KPNA3: variants seen among roughly 807,000 people sequenced by gnomAD.
The protein encoded by KPNA3 is karyopherin subunit alpha 3, also known as importin subunit alpha-4.
In KPNA3, 13 loss-of-function variants were observed where a neutral mutation model predicts 73.8. The observed-to-expected ratio is 0.18, with a 90% CI of 0.11 to 0.28. KPNA3 has a LOEUF of 0.28. Ranked by LOEUF, KPNA3 falls within the 10% of genes least tolerant of loss-of-function variation. KPNA3 has a pLI of 1.00. For synonymous variants in KPNA3, 186 were observed against 206.9 expected, an observed-to-expected ratio of 0.90 and a Z score of 0.87; for missense variants, 360 against 618.1, an observed-to-expected ratio of 0.58 and a Z score of 4.43.
At chr13:49,747,375 A>C (rs1374380210) in intron 1 of KPNA3, among the ~76,000 whole-genome samples, 1 of 150,660 alleles carries the variant, frequency 6.6e-6, no homozygotes, top group East Asian at 2.0e-4. Context: ...AAAAAAAAAA[A>C]CTCAGGTATT....
At chr13:49,726,272 T>A (rs945708114) in intron 6 of KPNA3, among the ~76,000 whole-genome samples, 1 of 152,226 alleles carries the variant, frequency 6.6e-6, no homozygotes. Context: ...ATTACAAGGC[T>A]GTATAATTTT....
chr13:49,729,550 C>T (rs144700811), intron 6 of KPNA3, among the ~76,000 whole-genome samples: 16,833 of 152,086 alleles, frequency 0.11, 1,156 homozygotes, highest in South Asian at 0.26. Flanking sequence ...TTTGAGAGGC[C>T]GAGGTGGGTG....
chr13:49,706,716 GA>G (rs1158777335), intron 12 of KPNA3, among the ~76,000 whole-genome samples: 4 of 151,762 alleles, frequency 2.6e-5, no homozygotes, highest in Non-Finnish European at 5.9e-5. Context: ...TCCTCTAAAA[GA>G]CAGAAATAAA....
chr13:49,721,256 A>T (rs1954354367), intron 9 of KPNA3, among the ~76,000 whole-genome samples: 1 of 152,152 alleles, frequency 6.6e-6, no homozygotes, highest in Admixed American at 6.5e-5. Context: ...TTGGACTTAA[A>T]GCAAACTCAT....
chr13:49,709,382 C>G (rs1371400394), intron 12 of KPNA3, among the ~76,000 whole-genome samples, 190 bp downstream of exon 12: 1 of 132,314 alleles, frequency 7.6e-6, no homozygotes, highest in African/African-American at 2.8e-5. Flanking sequence ...GCCTAGGCAA[C>G]AGACAGACTC....
intron 1 of KPNA3, among the ~76,000 whole-genome samples, chr13:49,757,951 T>C (rs1273371089): frequency 2.0e-5 from 3 of 152,180 alleles, no homozygotes; most frequent in East Asian, 3.8e-4. Context: ...CTCTGTGTTA[T>C]ATTTTACAAC....
At chr13:49,737,604 TG>T (rs1338478957) in intron 2 of KPNA3, among the ~76,000 whole-genome samples, 1 of 82,960 alleles carries the variant, frequency 1.2e-5, no homozygotes, top group African/African-American at 3.7e-5. Flanking sequence ...TGTGTGTGTG[TG>T]TGTGTGTAAG....
chr13:49,787,628 T>G (rs1954994398), intron 1 of KPNA3, among the ~76,000 whole-genome samples: 1 of 151,622 alleles, frequency 6.6e-6, no homozygotes, highest in Non-Finnish European at 1.5e-5. Context: ...CGCCTCAGCC[T>G]CCCTTGTAGC....
chr13:49,759,687 T>C (rs886880426), intron 1 of KPNA3, among the ~76,000 whole-genome samples: 2 of 152,056 alleles, frequency 1.3e-5, no homozygotes, highest in East Asian at 1.9e-4. Context: ...GAGAATCAAA[T>C]GCAGCTGCTG....
At chr13:49,734,590 T>G (rs1364303004) in intron 2 of KPNA3, among the ~76,000 whole-genome samples, 3 of 152,242 alleles carry the variant, frequency 2.0e-5, no homozygotes, top group Non-Finnish European at 1.5e-5. Context: ...TACCTCGAGA[T>G]CTAATAGTTC....
intron 1 of KPNA3, among the ~76,000 whole-genome samples, chr13:49,770,349 A>G (rs761080302): frequency 5.9e-5 from 9 of 151,344 alleles, no homozygotes; most frequent in Non-Finnish European, 1.3e-4. Context: ...CAAATTTTTA[A>G]ATTCTTTATA....
At chr13:49,723,337 C>T (rs112442328) in intron 7 of KPNA3, among the ~76,000 whole-genome samples, 15,186 of 151,922 alleles carry the variant, frequency 0.1, 857 homozygotes, top group African/African-American at 0.15. Context: ...TCTGGGAGGC[C>T]GAGGCAGATG....
chr13:49,764,949 T>A (rs1437344516), intron 1 of KPNA3, among the ~76,000 whole-genome samples: 1 of 152,206 alleles, frequency 6.6e-6, no homozygotes, highest in African/African-American at 2.4e-5. Context: ...CAATCCTTAA[T>A]TACATGGTAC....
chr13:49,782,011 G>T (rs1173912640), intron 1 of KPNA3, among the ~76,000 whole-genome samples: 2 of 152,202 alleles, frequency 1.3e-5, no homozygotes, highest in African/African-American at 4.8e-5. Flanking sequence ...CAGTACTTCT[G>T]TCAAGATGAA....
intron 1 of KPNA3, among the ~76,000 whole-genome samples, chr13:49,761,206 C>T (rs1954756394): frequency 2.0e-5 from 3 of 151,898 alleles, no homozygotes; most frequent in African/African-American, 7.3e-5. Context: ...GGGTCCCTCT[C>T]CCTCTCCCTC....
chr13:49,758,183 TAAAAC>T (rs1954727976), intron 1 of KPNA3, among the ~76,000 whole-genome samples: 1 of 151,862 alleles, frequency 6.6e-6, no homozygotes, highest in African/African-American at 2.4e-5. Flanking sequence ...AAACAAAAAA[TAAAAC>T]AGATCACATA....
In KPNA3 at chr13:49,712,884, G is replaced by GA. The variant is rs879363717; in HGVS notation, c.772-1863dup. Among the ~76,000 whole-genome samples the GA allele has an allele frequency of 1.1e-3, 137 of 119,376 alleles. 1 individual carries two copies. The highest frequency in any genetic ancestry group is 2.2e-3 in the African/African-American group (73 of 32,724). The allele number at this position is 119,376 out of a possible 152,430, so 78.3% of individuals were successfully genotyped here. On this transcript the variant is annotated intron_variant, in intron 10 of 16. Transcript: ENST00000261667. ...GAAAGACAAAAGTATGCTTAGCAGA[G>GA]AAAAAAAAAAACACAGGGACATTAT...
chr13:49,702,468 A>C lies in KPNA3; in HGVS notation c.1385T>G (p.Ile462Ser). Residue 462 changes from isoleucine to serine, a missense_variant, in exon 16 of 17, where the codon ATT becomes AGT. By Grantham distance (142) the Ile-to-Ser change is moderately radical. This residue lies in a region of KPNA3 where 287 missense variants were observed against 549.1 expected (regional missense o/e 0.52). Transcript: ENST00000261667. Reference protein sequence around the residue: ...IIEECGGLEKIEVLQQHENED... With the variant: ...IIEECGGLEKSEVLQQHENED... ...ATTTTCATGTTGCTGTAAAACTTCA[A>C]TTTTCTCCAAACCTGGTAAAAATAA... The C allele has an allele frequency of 6.5e-7, 1 of 1,529,896 alleles. No homozygotes were observed. Among genetic ancestry groups the C allele is most frequent in the Non-Finnish European group, 9.0e-7 (1 of 1,110,662 alleles). The allele number at this position is 1,529,896 out of a possible 1,614,324, so 94.8% of individuals were successfully genotyped here.
chr13:49,768,236 G>A (rs967438410), intron 1 of KPNA3, among the ~76,000 whole-genome samples: 11 of 139,980 alleles, frequency 7.9e-5, no homozygotes, highest in Admixed American at 1.6e-4. Flanking sequence ...CCAAGATCGC[G>A]CCACTGCACT....
Sources: allele counts gnomAD v4.1 joint callset (sites outside exome capture counted in the v4.1 genomes callset), GRCh38; gene constraint gnomAD v4.1.1; regional missense constraint gnomAD v4.1.1; transcripts MANE v1.5; gene names NCBI Gene and HGNC (gene_info 2026-07-23, HGNC 2026-07-21).